Variants in UBR3 observed in about 807,000 individuals in gnomAD.
UBR3 encodes E3 ubiquitin-protein ligase UBR3.
In UBR3, 85 loss-of-function variants were observed where a neutral mutation model predicts 243.2. That is an observed-to-expected ratio of 0.35 (90% CI 0.29 to 0.42). The LOEUF (loss-of-function observed/expected upper bound fraction) is 0.42, where lower values mean the gene tolerates loss of function less well. Among genes scored for constraint, UBR3 ranks in the 10% least tolerant of loss-of-function variants. The pLI, the probability that UBR3 is intolerant of heterozygous loss-of-function variation, is 1.00. For missense variants in UBR3, 1,686 were observed against 2,300.8 expected, an observed-to-expected ratio of 0.73 and a Z score of 5.47; for synonymous variants, 748 against 799.8, an observed-to-expected ratio of 0.94 and a Z score of 1.09.
chr2:169,932,155 G>T (rs1347747231), intron 18 of UBR3, among the ~76,000 whole-genome samples: 3 of 151,232 alleles, frequency 2.0e-5, no homozygotes, highest in Non-Finnish European at 2.9e-5. Context: ...TTGGCTCACT[G>T]CAACCTTCGC....
In UBR3 at chr2:169,895,233, A is replaced by G. The variant is rs1186284553; in HGVS notation, c.1158A>G (p.Leu386=). ...LKHKSFLEEL[L]FWTIKYEFPQ... ...ATAAAAGCTTCCTAGAAGAACTATT[A>G]TTTTGGACTATAAAATATGAATTCC... is the stretch of plus-strand genomic sequence containing the variant. The change falls in exon 7 of 39, where the codon TTA becomes TTG. Residue 386 remains leucine, a synonymous_variant. Coordinates refer to ENST00000272793, the MANE Select transcript of UBR3 (RefSeq NM_172070.4). 1.2e-5 allele frequency: 19 copies of G among 1,543,316 alleles called. No homozygotes were observed. Among genetic ancestry groups the G allele is most frequent in the Admixed American group, 6.3e-5 (3 of 47,862 alleles).
At chr2:169,965,688 C>T (rs1574300063) in intron 24 of UBR3, among the ~76,000 whole-genome samples, 1 of 152,208 alleles carries the variant, frequency 6.6e-6, no homozygotes, top group African/African-American at 2.4e-5. Context: ...GATTCACATC[C>T]TGGACAGGAC....
In UBR3 at chr2:169,897,465, A is replaced by G. The variant is rs114768326; in HGVS notation, c.1465+730A>G. Among the ~76,000 whole-genome samples the G allele has an allele frequency of 9.8e-3, 1,486 of 151,948 alleles. 32 individuals are homozygous for G. The highest frequency in any genetic ancestry group is 0.034 in the African/African-American group (1,396 of 41,454). ...TGTATATGTGTGTATATATGTATAT[A>G]TGTATATACACACATATATAAATAC... On this transcript the variant is annotated intron_variant, in intron 8 of 38. Transcript: ENST00000272793.
intron 30 of UBR3, among the ~76,000 whole-genome samples, chr2:170,015,935 AT>A (rs904907755): frequency 1.3e-5 from 2 of 151,878 alleles, no homozygotes; most frequent in African/African-American, 2.4e-5. Context: ...TGATGCTATC[AT>A]TTTTTAGTCA....
intron 30 of UBR3, among the ~76,000 whole-genome samples, chr2:170,027,023 G>T (rs1458447217): frequency 6.6e-6 from 1 of 151,824 alleles, no homozygotes; most frequent in East Asian, 1.9e-4. Context: ...TGGTTATTTG[G>T]TCAGTTCCCT....
At chr2:169,945,812 C>T (rs1373845715) in intron 20 of UBR3, among the ~76,000 whole-genome samples, 1 of 152,128 alleles carries the variant, frequency 6.6e-6, no homozygotes, top group East Asian at 1.9e-4. Flanking sequence ...TTTTACTAAC[C>T]ACTTGCATTC....
intron 36 of UBR3, chr2:170,077,342 C>G (rs575935245): frequency 1.1e-6 from 1 of 875,888 alleles, no homozygotes; most frequent in African/African-American, 1.7e-5. Context: ...ACATTCACCT[C>G]AGTAACAGTA....
rs1479445746 is a variant in UBR3 at position 169,887,069 on chromosome 2, C to CA, written c.1039-4088dup. The stretch of plus-strand genomic sequence containing the variant: ...GATGAAAACTGTCTAGAAAATCCAT[C>CA]AAAAAAAAGAAAGGTTAATTTAGGT... On this transcript the variant is annotated intron_variant, in intron 5 of 38. Transcript: ENST00000272793. Among the ~76,000 whole-genome samples, 8 of 151,742 alleles carry CA rather than the reference C, an allele frequency of 5.3e-5. No individual in the cohort carries two copies. The South Asian group carries it at 1.2e-3, about 24-fold the overall frequency.
intron 26 of UBR3, among the ~76,000 whole-genome samples, chr2:169,995,376 T>C (rs1406784298): frequency 6.6e-6 from 1 of 152,240 alleles, no homozygotes; most frequent in African/African-American, 2.4e-5. Context: ...CTTTCTCAAA[T>C]GTATGCATAC....
chr2:170,039,810 G>A (rs1259162535), intron 31 of UBR3, among the ~76,000 whole-genome samples: 2 of 152,142 alleles, frequency 1.3e-5, no homozygotes, highest in Non-Finnish European at 2.9e-5. Context: ...AATTCTTTTA[G>A]AATAAGCTCT....
At chr2:169,923,391 A>C (rs1190736937) in intron 11 of UBR3, among the ~76,000 whole-genome samples, 2 of 152,140 alleles carry the variant, frequency 1.3e-5, no homozygotes, top group Non-Finnish European at 2.9e-5. Flanking sequence ...TAAGTTTTCT[A>C]AGTTTGAATT....
intron 1 of UBR3, 40 bp from the exon 2 acceptor site, chr2:169,872,196 T>A: frequency 7.4e-7 from 1 of 1,346,190 alleles, no homozygotes; most frequent in South Asian, 1.6e-5. Context: ...TTTTAGCTGA[T>A]TAGACATTAC....
At chr2:170,061,512 G>T (rs749677504) in intron 35 of UBR3, 69 bp downstream of exon 35, 180 of 1,572,882 alleles carry the variant, frequency 1.1e-4, no homozygotes, top group Non-Finnish European at 1.5e-4. Flanking sequence ...CTGTTGCCCA[G>T]ACTGGAGTGC....
chr2:169,925,032 C>CA (rs530062231), intron 13 of UBR3, among the ~76,000 whole-genome samples: 12 of 150,472 alleles, frequency 8.0e-5, no homozygotes, highest in South Asian at 6.3e-4. Context: ...GATTCTGTTT[C>CA]AAAAAAAACA....
chr2:169,876,020 G>T, intron 3 of UBR3, 71 bp downstream of exon 3: 1 of 1,204,958 alleles, frequency 8.3e-7, no homozygotes, highest in Non-Finnish European at 1.1e-6. Context: ...GAGTCTTTTA[G>T]AACTTAAAGG....
chr2:169,971,307 T>A (rs1020924358), intron 24 of UBR3, among the ~76,000 whole-genome samples: 32 of 151,828 alleles, frequency 2.1e-4, no homozygotes, highest in African/African-American at 7.5e-4. Flanking sequence ...TTTCTTTTGC[T>A]GTGCAGAAGC....
chr2:169,852,014 C>A (rs2082676563), intron 1 of UBR3, among the ~76,000 whole-genome samples: 1 of 152,088 alleles, frequency 6.6e-6, no homozygotes, highest in Non-Finnish European at 1.5e-5. Flanking sequence ...ACTTTGTCCT[C>A]CATGGTTATT....
intron 30 of UBR3, among the ~76,000 whole-genome samples, chr2:170,017,356 C>G (rs1249514063): frequency 6.6e-6 from 1 of 151,914 alleles, no homozygotes; most frequent in Non-Finnish European, 1.5e-5. Context: ...AAATGCCTCA[C>G]TGATTAAGCA....
At chr2:169,905,962 G>T in intron 9 of UBR3, 69 bp from the exon 10 acceptor site, 1 of 1,506,824 alleles carries the variant, frequency 6.6e-7, no homozygotes, top group South Asian at 1.3e-5. Context: ...ACTGGGAAAT[G>T]TACTTGATAT....
Sources: gnomAD v4.1 joint callset for allele counts (sites outside exome capture counted in the v4.1 genomes callset) on GRCh38, gnomAD v4.1.1 for gene constraint, MANE v1.5 for transcripts, NCBI Gene and HGNC (gene_info 2026-07-23, HGNC 2026-07-21) for gene names.